The following NAA20 variants were observed in gnomAD, a reference collection of about 807,000 sequenced individuals.
The protein encoded by NAA20 is N-alpha-acetyltransferase 20.
In NAA20, 24 loss-of-function variants were observed where a neutral mutation model predicts 23.8. The ratio of observed to expected loss-of-function variants is 1.01; its 90% CI spans 0.73 to 1.42. NAA20 has a LOEUF of 1.42. NAA20 is among the 40% of genes most tolerant of loss of function. The pLI is 0.00. For synonymous variants in NAA20, 83 were observed against 77.7 expected, an observed-to-expected ratio of 1.07 and a Z score of -0.36; for missense variants, 166 against 223.1, an observed-to-expected ratio of 0.74 and a Z score of 1.63.
At chr20:20,026,176 G>A (rs1004496156) in intron 3 of NAA20, among the ~76,000 whole-genome samples, 8 of 151,968 alleles carry the variant, frequency 5.3e-5, no homozygotes, top group Non-Finnish European at 7.4e-5. Flanking sequence ...GTGGTATCGC[G>A]TGCCTATAAT....
intron 1 of NAA20, chr20:20,018,225 A>C (rs2043244929): frequency 2.9e-6 from 2 of 695,630 alleles, no homozygotes; most frequent in Admixed American, 5.7e-5. Context: ...TTTTTAAGAA[A>C]ACATTTTATT....
chr20:20,033,145 C>T lies in NAA20; in HGVS notation c.495C>T (p.Ile165=). Residue 165 remains isoleucine (I), a synonymous_variant, in exon 6 of 6, where the codon ATC becomes ATT. Transcript: ENST00000334982. The stretch of plus-strand genomic sequence containing the variant: ...CCAGGGATACTGAGAAGAAATCCAT[C>T]ATACCATTACCTCATCCTGTGAGGC... The part of the protein sequence containing the change: ...ALSRDTEKKS[I]IPLPHPVRPE... The T allele has an allele frequency of 6.2e-7, 1 of 1,613,748 alleles. No individual in the cohort carries two copies. The highest frequency in any genetic ancestry group is 1.3e-5 in the African/African-American group (1 of 74,984).
intron 2 of NAA20, among the ~76,000 whole-genome samples, chr20:20,025,464 C>A (rs1423037577): frequency 6.6e-6 from 1 of 152,170 alleles, no homozygotes; most frequent in Non-Finnish European, 1.5e-5. Flanking sequence ...GTGCTATCAC[C>A]ATTCCACACT....
rs774244065 is a variant in NAA20 at position 20,017,367 on chromosome 20, C to T, written c.-30C>T. 130 of 1,610,108 alleles carry T rather than the reference C, an allele frequency of 8.1e-5. No homozygotes were observed. Among genetic ancestry groups the T allele is most frequent in the Non-Finnish European group, 1.1e-4 (126 of 1,178,880 alleles). On this transcript the variant is annotated 5_prime_UTR_variant, in exon 1 of 6. Transcript: ENST00000334982. ...CGGCAGGGCGGGCGCGGGGTCTTGG[C>T]GAACGGTCTTCGGAAGCGGCGGCGG...
rs762415315 is a variant in NAA20 at position 20,026,844 on chromosome 20, T to C, written c.230T>C (p.Leu77Pro). 3 of 1,613,990 alleles carry C rather than the reference T, an allele frequency of 1.9e-6. No homozygotes were observed. The South Asian group carries it at 3.3e-5, about 18-fold the overall frequency. Residue 77 changes from leucine (L) to proline (P), a missense_variant, in exon 4 of 6, where the codon CTG (leucine) becomes CCG (proline). Transcript: ENST00000334982. ...GAATGGCACGGGCACGTCACAGCTC[T>C]GTCTGTTGCCCCAGAATTTCGACGC... is the stretch of plus-strand genomic sequence containing the variant. Reference protein sequence around the residue: ...REEWHGHVTALSVAPEFRRLG... With the variant: ...REEWHGHVTAPSVAPEFRRLG...
At chr20:20,026,693 C>A in intron 3 of NAA20, 91 bp from the exon 4 acceptor site, 1 of 1,523,842 alleles carries the variant, frequency 6.6e-7, no homozygotes, top group Non-Finnish European at 8.9e-7. Flanking sequence ...TATTAGTTTC[C>A]TTTGTAATAA....
intron 1 of NAA20, among the ~76,000 whole-genome samples, chr20:20,021,357 G>A (rs1389867896): frequency 6.6e-6 from 1 of 152,198 alleles, no homozygotes; most frequent in Non-Finnish European, 1.5e-5. Context: ...AGACAGTGGA[G>A]CTTCCCAAGG....
intron 5 of NAA20, 100 bp downstream of exon 5, chr20:20,032,753 G>T: frequency 7.3e-7 from 1 of 1,378,310 alleles, no homozygotes; most frequent in South Asian, 1.9e-5. Flanking sequence ...TAGAATATTT[G>T]ACTTTAAAAT....
intron 1 of NAA20, chr20:20,018,892 C>G: frequency 6.1e-6 from 6 of 985,410 alleles, no homozygotes; most frequent in Non-Finnish European, 7.2e-6. Context: ...AAGCGAGGAA[C>G]TTCATCCAAG....
intron 1 of NAA20, among the ~76,000 whole-genome samples, chr20:20,021,226 CAAG>C (rs776950926): frequency 3.9e-5 from 6 of 152,076 alleles, no homozygotes; most frequent in Non-Finnish European, 8.8e-5. Flanking sequence ...CAGTGATTCT[CAAG>C]GAGTGGGCCA....
At position 20,032,600 on chromosome 20, in the gene NAA20, C is replaced by T. The variant is rs1418427754; in HGVS notation, c.398C>T (p.Thr133Met). ...CAGTTGGGCTACAGTGTATATAGGA[C>T]GGTCATAGAGTACTATTCGGCCAGC... ...YKQLGYSVYR[T>M]VIEYYSASNG... Residue 133 changes from threonine to methionine, a missense_variant, in exon 5 of 6, where the codon ACG becomes ATG. Transcript: ENST00000334982. The T allele has an allele frequency of 9.9e-6, 16 of 1,612,944 alleles. No homozygotes were observed. Among genetic ancestry groups the T allele is most frequent in the African/African-American group, 2.7e-5 (2 of 74,858 alleles).
At chr20:20,017,557 G>C in intron 1 of NAA20, 108 bp downstream of exon 1, 1 of 1,422,322 alleles carries the variant, frequency 7.0e-7, no homozygotes, top group Middle Eastern at 2.3e-4. Context: ...AAGCCCGGAC[G>C]GGGACCCGCG....
At chr20:20,032,178 C>T (rs1292127180) in intron 4 of NAA20, among the ~76,000 whole-genome samples, 5 of 151,798 alleles carry the variant, frequency 3.3e-5, no homozygotes, top group Admixed American at 6.6e-5. Context: ...ATATATGATT[C>T]CATGTATATA....
At chr20:20,025,283 C>G (rs748731404) in intron 2 of NAA20, among the ~76,000 whole-genome samples, 3 of 152,196 alleles carry the variant, frequency 2.0e-5, no homozygotes, top group Non-Finnish European at 4.4e-5. Flanking sequence ...TAAGCATCTA[C>G]TGTGTACCAG....
intron 4 of NAA20, 91 bp downstream of exon 4, chr20:20,027,010 G>T (rs932517525): frequency 2.7e-6 from 4 of 1,506,014 alleles, no homozygotes; most frequent in Admixed American, 3.6e-5. Flanking sequence ...ATGCTTTACA[G>T]TTCACAGGAA....
chr20:20,033,568 C>T lies in NAA20; in HGVS notation c.*381C>T, dbSNP rs2043364464. Reference sequence around the variant, plus strand: ...TTTTGTATTGAACTGTTAATTGAAGCTTTAAAAGCATATATGAAATGTATA... The same window carrying T: ...TTTTGTATTGAACTGTTAATTGAAGTTTTAAAAGCATATATGAAATGTATA... On this transcript the variant is annotated 3_prime_UTR_variant, in exon 6 of 6. Coordinates refer to ENST00000334982, the MANE Select transcript of NAA20 (RefSeq NM_016100.5). 1 of 163,204 alleles carries T rather than the reference C, an allele frequency of 6.1e-6. No individual in the cohort carries two copies. The highest frequency in any genetic ancestry group is 1.3e-5 in the Non-Finnish European group (1 of 74,626). The allele number at this position is 163,204 out of a possible 1,614,324, so 10.1% of individuals were successfully genotyped here.
chr20:20,032,634 G>A lies in NAA20; in HGVS notation c.432G>A (p.Glu144=), dbSNP rs1294252671. The A allele has an allele frequency of 6.2e-7, 1 of 1,603,590 alleles. No individual in the cohort carries two copies. Among genetic ancestry groups the A allele is most frequent in the East Asian group, 2.2e-5 (1 of 44,738 alleles). ...VIEYYSASNG[E]PDEDAYDMRK... is the part of the protein sequence containing the mutation. ...AGTACTATTCGGCCAGCAACGGGGA[G>A]CCTGATGAGGACGCTTATGGTAAGC... Residue 144 remains glutamate (E), a synonymous_variant, in exon 5 of 6, where the codon GAG becomes GAA. Coordinates refer to ENST00000334982, the MANE Select transcript of NAA20 (RefSeq NM_016100.5).
chr20:20,018,182 C>A, intron 1 of NAA20: 2 of 1,214,742 alleles, frequency 1.6e-6, no homozygotes, highest in Non-Finnish European at 2.4e-6. Context: ...CGAGTTAAGG[C>A]CAGACCTCTG....
At chr20:20,026,648 G>C (rs2043308348) in intron 3 of NAA20, 136 bp from the exon 4 acceptor site, 1 of 915,580 alleles carries the variant, frequency 1.1e-6, no homozygotes, top group Non-Finnish European at 1.6e-6. Flanking sequence ...CTAACTGTTA[G>C]CTGGATGACC....
Sources: allele counts gnomAD v4.1 joint callset (sites outside exome capture counted in the v4.1 genomes callset), GRCh38; gene constraint gnomAD v4.1.1; transcripts MANE v1.5; gene names NCBI Gene and HGNC (gene_info 2026-07-23, HGNC 2026-07-21).